Variants in SIDT1 observed in about 807,000 individuals in gnomAD.
The protein encoded by SIDT1 is SID1 transmembrane family member 1.
In SIDT1, 101 loss-of-function variants were observed where a neutral mutation model predicts 107.5. The observed-to-expected ratio is 0.94, with a 90% confidence interval of 0.80 to 1.11. The LOEUF is 1.11. Ranked by LOEUF, SIDT1 falls within the 50% of genes least tolerant of loss-of-function variation. SIDT1 has a pLI of 0.00. For synonymous variants in SIDT1, 395 were observed against 398.2 expected (o/e 0.99, Z 0.10); for missense variants, 1,076 against 1,058.2 (o/e 1.02, Z -0.23).
intron 3 of SIDT1, among the ~76,000 whole-genome samples, chr3:113,574,653 C>T (rs1942759449): frequency 6.6e-6 from 1 of 151,840 alleles, no homozygotes; most frequent in South Asian, 2.1e-4. Flanking sequence ...ACCCATGGGC[C>T]CCTTTCTGCC....
chr3:113,583,324 C>G, intron 6 of SIDT1, 85 bp from the exon 7 acceptor site: 1 of 989,364 alleles, frequency 1.0e-6, no homozygotes, highest in African/African-American at 1.6e-5. Context: ...TCTCTTTCCT[C>G]TTTCTTTCTG....
intron 8 of SIDT1, 144 bp from the exon 9 acceptor site, chr3:113,585,033 C>A: frequency 1.5e-6 from 1 of 662,868 alleles, no homozygotes; most frequent in Non-Finnish European, 2.6e-6. Flanking sequence ...CTGGGGACCT[C>A]CAGTAGCAGT....
intron 10 of SIDT1, 58 bp from the exon 11 acceptor site, chr3:113,601,530 T>C: frequency 8.9e-7 from 1 of 1,128,044 alleles, no homozygotes; most frequent in Non-Finnish European, 1.4e-6. Context: ...CTTAGAATAG[T>C]GTTGTTTTGT....
intron 3 of SIDT1, among the ~76,000 whole-genome samples, chr3:113,574,412 T>C (rs1355947440): frequency 1.3e-5 from 2 of 152,264 alleles, no homozygotes; most frequent in East Asian, 3.9e-4. Flanking sequence ...ATCATTTCCT[T>C]CAACAAACAA....
the SIDT1 span, among the ~76,000 whole-genome samples, chr3:113,636,125 C>T: frequency 7.2e-5 from 11 of 152,032 alleles, no homozygotes; most frequent in Admixed American, 7.2e-4. Flanking sequence ...TTAAAGTGGG[C>T]CAGGCACAGT....
chr3:113,539,659 G>A (rs1938582100), intron 1 of SIDT1, among the ~76,000 whole-genome samples: 1 of 152,030 alleles, frequency 6.6e-6, no homozygotes, highest in South Asian at 2.1e-4. Flanking sequence ...TTTCATTCAT[G>A]CCAAAAATCC....
intron 1 of SIDT1, among the ~76,000 whole-genome samples, chr3:113,534,184 C>T (rs543521491): frequency 8.5e-5 from 13 of 152,134 alleles, no homozygotes; most frequent in Non-Finnish European, 1.2e-4. Flanking sequence ...CCTTACTATA[C>T]CAGCATCCCC....
chr3:113,601,094 T>A (rs911806840), intron 10 of SIDT1, among the ~76,000 whole-genome samples: 1 of 152,236 alleles, frequency 6.6e-6, no homozygotes, highest in South Asian at 2.1e-4. Flanking sequence ...GCATTAGTCC[T>A]TATAATTAAA....
intron 12 of SIDT1, 36 bp downstream of exon 12, chr3:113,603,186 C>T (rs1281325019): frequency 1.9e-6 from 3 of 1,577,572 alleles, no homozygotes. Flanking sequence ...TTTGAGAGGG[C>T]AGAAAGTTTG....
At chr3:113,617,551 C>T (rs1305066326) in intron 20 of SIDT1, among the ~76,000 whole-genome samples, 1 of 152,098 alleles carries the variant, frequency 6.6e-6, no homozygotes, top group Non-Finnish European at 1.5e-5. Flanking sequence ...TATGGAAATC[C>T]GTGAGCACTC....
rs1946990912 is a variant in SIDT1 at position 113,628,435 on chromosome 3, A to T, written c.*727A>T. 6.6e-6 allele frequency: 1 copy of T among 152,472 alleles called. No individual in the cohort carries two copies. Among genetic ancestry groups the T allele is most frequent in the Admixed American group, 6.6e-5 (1 of 15,258 alleles). The allele number at this position is 152,472 out of a possible 1,614,324, so 9.4% of individuals were successfully genotyped here. A position where few individuals can be genotyped will look rare whatever the true frequency, so the allele number is the denominator to read the frequency against. On this transcript the variant is annotated 3_prime_UTR_variant, in exon 25 of 25. Transcript: ENST00000264852. ...CTCACTGACCTGTGTGGACCTCATC[A>T]CTCTGACTCTGCCTTCTTGGAAAGG...
At chr3:113,544,927 C>A (rs1939406241) in intron 1 of SIDT1, among the ~76,000 whole-genome samples, 1 of 151,850 alleles carries the variant, frequency 6.6e-6, no homozygotes, top group African/African-American at 2.4e-5. Flanking sequence ...CCAGCCTGAC[C>A]AACATGGCAA....
chr3:113,572,044 A>G (rs4682496), intron 3 of SIDT1, among the ~76,000 whole-genome samples: 44,611 of 152,122 alleles, frequency 0.29, 7,298 homozygotes, highest in East Asian at 0.59. Context: ...CTGATGCAGT[A>G]GTCAAGATAA....
Position 113,610,914 on chromosome 3 carries a change from A to G in SIDT1, c.1721-94A>G, listed in dbSNP as rs561426554. 3.5e-6 allele frequency: 5 copies of G among 1,429,556 alleles called. No individual in the cohort carries two copies. In the African/African-American group the frequency reaches 7.1e-5, roughly 20 times the overall value. 88.6% of individuals were successfully genotyped at this position (1,429,556 alleles called of 1,614,324 possible). A position where few individuals can be genotyped will look rare whatever the true frequency, so the allele number is the denominator to read the frequency against. Reference sequence around the variant, plus strand: ...AGAAAATAGTCCATGGATTGAAGTGAGGGGTACTCAGAGTCTGAAGAAAAA... The same window carrying G: ...AGAAAATAGTCCATGGATTGAAGTGGGGGGTACTCAGAGTCTGAAGAAAAA... On this transcript the variant is annotated intron_variant, in intron 17 of 24. Coordinates refer to ENST00000264852, the MANE Select transcript of SIDT1 (RefSeq NM_017699.3).
chr3:113,623,647 C>T lies in SIDT1; in HGVS notation c.2221C>T (p.Pro741Ser). ...MKLRSSEKVL[P>S]VPLFCIVATA... ...GCTCCGCAGCTCTGAAAAGGTCCTC[C>T]CAGTCCCGCTCTTCTGCATCGTGGC... Residue 741 changes from proline (P) to serine (S), a missense_variant, in exon 23 of 25, where the codon CCA (proline) becomes TCA (serine). Transcript: ENST00000264852. The T allele has an allele frequency of 1.9e-6, 3 of 1,614,034 alleles. No individual in the cohort carries two copies. The highest frequency in any genetic ancestry group is 2.5e-6 in the Non-Finnish European group (3 of 1,179,920).
At chr3:113,568,512 T>A (rs372981233) in intron 3 of SIDT1, among the ~76,000 whole-genome samples, 2 of 150,284 alleles carry the variant, frequency 1.3e-5, no homozygotes, top group South Asian at 4.2e-4. Context: ...GAGAATGGCA[T>A]GAACCTGGGA....
intron 3 of SIDT1, among the ~76,000 whole-genome samples, chr3:113,573,805 A>T (rs1483017782): frequency 6.6e-6 from 1 of 152,198 alleles, no homozygotes; most frequent in Non-Finnish European, 1.5e-5. Flanking sequence ...TAGCCTGTAA[A>T]ACTGTAAGAA....
chr3:113,588,811 T>TA (rs1943928492), intron 9 of SIDT1: 1 of 137,648 alleles, frequency 7.3e-6, no homozygotes, highest in Non-Finnish European at 1.6e-5. Flanking sequence ...TAATGCTACA[T>TA]TAAAAAAAAA....
At chr3:113,573,820 T>C (rs183250142) in intron 3 of SIDT1, among the ~76,000 whole-genome samples, 1 of 152,286 alleles carries the variant, frequency 6.6e-6, no homozygotes, top group East Asian at 1.9e-4. Flanking sequence ...TAAGAAATAA[T>C]AGATTTCCAT....
Sources: gnomAD v4.1 joint callset for allele counts (sites outside exome capture counted in the v4.1 genomes callset) on GRCh38, gnomAD v4.1.1 for gene constraint, MANE v1.5 for transcripts, NCBI Gene and HGNC (gene_info 2026-07-23, HGNC 2026-07-21) for gene names.